The following TMC7 variants were observed in gnomAD, a reference collection of about 807,000 sequenced individuals.
The protein encoded by TMC7 is transmembrane channel-like protein 7.
In TMC7, 54 loss-of-function variants were observed where a neutral mutation model predicts 82.9. That is an observed-to-expected ratio of 0.65 (90% CI 0.52 to 0.82). The LOEUF is 0.82. Ranked by LOEUF, TMC7 falls within the 40% of genes least tolerant of loss-of-function variation. The pLI is 0.00. For synonymous variants in TMC7, 350 were observed against 337.9 expected, an observed-to-expected ratio of 1.04 and a Z score of -0.39; for missense variants, 820 against 901.2, an observed-to-expected ratio of 0.91 and a Z score of 1.15.
rs186623147 is a variant in TMC7 at position 19,039,441 on chromosome 16, C to G, written c.1180-848C>G. Among the ~76,000 whole-genome samples the G allele has an allele frequency of 1.1e-3, 175 of 152,218 alleles. 1 individual carries two copies. Among genetic ancestry groups the G allele is most frequent in the Non-Finnish European group, 5.3e-4 (36 of 68,018 alleles). On this transcript the variant is annotated intron_variant, in intron 8 of 15. Coordinates refer to ENST00000304381, the MANE Select transcript of TMC7 (RefSeq NM_024847.4). ...GATAGCTCACCACCATGGCCACATT[C>G]TAGCCAAGGGGAAGGAGATGAAGGG... is the stretch of plus-strand genomic sequence containing the variant.
intron 14 of TMC7, 33 bp from the exon 15 acceptor site, chr16:19,059,383 A>C (rs371157420): frequency 1.9e-5 from 31 of 1,603,138 alleles, no homozygotes; most frequent in Non-Finnish European, 2.0e-5. Flanking sequence ...GATGATCCAG[A>C]CTCCCTTGTG....
intron 1 of TMC7, among the ~76,000 whole-genome samples, chr16:18,991,893 A>C (rs145312252): frequency 6.8e-4 from 103 of 152,328 alleles, no homozygotes; most frequent in African/African-American, 2.4e-3. Flanking sequence ...GCTGGTTTCC[A>C]GCGTCATCCA....
intron 1 of TMC7, among the ~76,000 whole-genome samples, chr16:19,001,246 C>T (rs2039135919): frequency 6.6e-6 from 1 of 152,130 alleles, no homozygotes; most frequent in Admixed American, 6.5e-5. Context: ...ATTCATTCAA[C>T]TTAGAAGGTA....
At chr16:19,014,208 TG>T (rs1357392123) in intron 2 of TMC7, among the ~76,000 whole-genome samples, 3 of 151,994 alleles carry the variant, frequency 2.0e-5, no homozygotes, top group Admixed American at 6.6e-5. Context: ...AGTTCTCTGT[TG>T]TGGAGGGCTG....
intron 5 of TMC7, among the ~76,000 whole-genome samples, chr16:19,028,224 C>G (rs1337143424): frequency 6.6e-6 from 1 of 152,012 alleles, no homozygotes; most frequent in Admixed American, 6.6e-5. Flanking sequence ...TTGAGGTGTT[C>G]AATCATTCCC....
intron 12 of TMC7, 83 bp from the exon 13 acceptor site, chr16:19,051,603 A>T: frequency 1.4e-6 from 2 of 1,480,400 alleles, no homozygotes; most frequent in Non-Finnish European, 9.4e-7. Context: ...TAACATTCCC[A>T]CTGTAATGCA....
intron 6 of TMC7, among the ~76,000 whole-genome samples, chr16:19,034,750 G>T (rs1283495696): frequency 6.6e-6 from 1 of 152,140 alleles, no homozygotes; most frequent in African/African-American, 2.4e-5. Flanking sequence ...CATAGGGAGG[G>T]TCAGAGGAGC....
intron 12 of TMC7, chr16:19,049,562 A>T: frequency 1.1e-6 from 1 of 910,386 alleles, no homozygotes; most frequent in Non-Finnish European, 1.3e-6. Context: ...TCATCAAAGG[A>T]GAGATGGACG....
chr16:19,009,919 G>C (rs1372796320), intron 2 of TMC7, among the ~76,000 whole-genome samples: 1 of 135,404 alleles, frequency 7.4e-6, no homozygotes, highest in Non-Finnish European at 1.6e-5. Context: ...CCAGCCTGGG[G>C]AACAGAGTGA....
intron 12 of TMC7, chr16:19,049,741 G>C: frequency 2.4e-6 from 2 of 817,924 alleles, no homozygotes; most frequent in Non-Finnish European, 3.0e-6. Context: ...CGGCTGCCCC[G>C]AGGCTGGGCA....
intron 8 of TMC7, among the ~76,000 whole-genome samples, chr16:19,039,918 C>T (rs965266412): frequency 6.6e-6 from 1 of 151,988 alleles, no homozygotes; most frequent in Non-Finnish European, 1.5e-5. Flanking sequence ...GAGTTTGAGA[C>T]CAGCCTGACC....
intron 8 of TMC7, among the ~76,000 whole-genome samples, chr16:19,039,451 G>A (rs1002969506): frequency 5.3e-5 from 8 of 152,078 alleles, no homozygotes; most frequent in African/African-American, 1.9e-4. Context: ...CTAGCCAAGG[G>A]GAAGGAGATG....
Position 18,983,992 on chromosome 16 carries a change from C to T in TMC7, c.-72C>T. 1 of 1,346,912 alleles carries T rather than the reference C, an allele frequency of 7.4e-7. No individual in the cohort carries two copies. The highest frequency in any genetic ancestry group is 1.8e-5 in the South Asian group (1 of 56,428). 83.4% of individuals were successfully genotyped at this position (1,346,912 alleles called of 1,614,324 possible). A position where few individuals can be genotyped will look rare whatever the true frequency, so the allele number is the denominator to read the frequency against. Reference sequence around the variant, plus strand: ...GGAATCCCGGCTCCGCGAGGGAAGGCCGGGGAGGCGGCGGCGGCGGCGGCG... The same window carrying T: ...GGAATCCCGGCTCCGCGAGGGAAGGTCGGGGAGGCGGCGGCGGCGGCGGCG... On this transcript the variant is annotated 5_prime_UTR_variant, in exon 1 of 16. Coordinates refer to ENST00000304381, the MANE Select transcript of TMC7 (RefSeq NM_024847.4).
rs1200039787 is a variant in TMC7 at position 19,029,683 on chromosome 16, A to AT, written c.712-526dup. ...AGCCACCACGCCTGGCCATCTGTGCATTTTTTTTTTTTTTTGAGATGGAGT... is the reference window on the plus strand; with the variant it reads ...AGCCACCACGCCTGGCCATCTGTGCATTTTTTTTTTTTTTTTGAGATGGAGT... On this transcript the variant is annotated intron_variant, in intron 5 of 15. Transcript: ENST00000304381. Among the ~76,000 whole-genome samples the AT allele has an allele frequency of 4.8e-3, 645 of 133,854 alleles. 1 individual carries two copies. Among genetic ancestry groups the AT allele is most frequent in the African/African-American group, 0.01 (378 of 36,386 alleles). 87.8% of individuals were successfully genotyped at this position (133,854 alleles called of 152,430 possible). A position where few individuals can be genotyped will look rare whatever the true frequency, so the allele number is the denominator to read the frequency against.
intron 1 of TMC7, among the ~76,000 whole-genome samples, chr16:19,004,663 C>T (rs958483374): frequency 1.3e-5 from 2 of 152,164 alleles, no homozygotes; most frequent in African/African-American, 2.4e-5. Context: ...CCGTGCCCAG[C>T]TTATACGGTA....
chr16:18,990,977 T>C (rs1422885718), intron 1 of TMC7, among the ~76,000 whole-genome samples: 4 of 152,308 alleles, frequency 2.6e-5, no homozygotes, highest in Admixed American at 2.6e-4. Flanking sequence ...CTCAGAGGCC[T>C]GACATTCCTG....
intron 1 of TMC7, among the ~76,000 whole-genome samples, chr16:19,000,799 G>T (rs927690359): frequency 2.0e-5 from 3 of 152,118 alleles, no homozygotes; most frequent in African/African-American, 7.2e-5. Flanking sequence ...CAGGTGCATT[G>T]CTTGGGTCCA....
intron 13 of TMC7, among the ~76,000 whole-genome samples, chr16:19,053,453 G>C (rs955990423): frequency 8.6e-5 from 13 of 151,896 alleles, no homozygotes; most frequent in Admixed American, 6.6e-4. Context: ...GCCCAGGCTG[G>C]AGTGCAGTGG....
In TMC7 at chr16:19,051,766, G is replaced by A; in HGVS notation, c.1821G>A (p.Leu607=). 1 of 1,614,080 alleles carries A rather than the reference G, an allele frequency of 6.2e-7. No homozygotes were observed. The highest frequency in any genetic ancestry group is 8.5e-7 in the Non-Finnish European group (1 of 1,180,026). The change falls in exon 13 of 16, where the codon TTG becomes TTA. Residue 607 remains leucine (L), a synonymous_variant. Coordinates refer to ENST00000304381, the MANE Select transcript of TMC7 (RefSeq NM_024847.4). The part of the protein sequence containing the change: ...SNSNFFFLLV[L]LIGLCLAIIP... ...CTAATTTCTTCTTCCTGTTGGTGTT[G>A]TTGATCGGGCTGTGTTTGGCAATAA...
Sources: allele counts gnomAD v4.1 joint callset (sites outside exome capture counted in the v4.1 genomes callset), GRCh38; gene constraint gnomAD v4.1.1; transcripts MANE v1.5; gene names NCBI Gene and HGNC (gene_info 2026-07-23, HGNC 2026-07-21).